Variants in EPHA3 observed in about 807,000 individuals in gnomAD.
EPHA3 encodes the protein EPH receptor A3.
Under a neutral mutation model 107.1 loss-of-function variants are expected in EPHA3, and 42 were observed. The observed-to-expected ratio is 0.39, with a 90% CI of 0.31 to 0.51. The LOEUF (loss-of-function observed/expected upper bound fraction) is 0.51. Among genes scored for constraint, EPHA3 ranks in the 20% least tolerant of loss-of-function variants. The pLI is 0.78. For synonymous variants in EPHA3, 461 were observed against 424.8 expected, an observed-to-expected ratio of 1.09 and a Z score of -1.05; for missense variants, 1,183 against 1,211.2, an observed-to-expected ratio of 0.98 and a Z score of 0.35.
chr3:89,168,970 T>G (rs1705146019), intron 2 of EPHA3, among the ~76,000 whole-genome samples: 2 of 151,432 alleles, frequency 1.3e-5, no homozygotes, highest in African/African-American at 4.9e-5. Flanking sequence ...CCTCTTTTAA[T>G]TAAGCAAATA....
At chr3:89,474,992 C>A (rs1466512774) in intron 16 of EPHA3, among the ~76,000 whole-genome samples, 2 of 152,152 alleles carry the variant, frequency 1.3e-5, no homozygotes, top group African/African-American at 4.8e-5. Flanking sequence ...GCACTCCCCA[C>A]AATATTCCTT....
intron 2 of EPHA3, among the ~76,000 whole-genome samples, chr3:89,180,174 T>A (rs1307863471): frequency 6.6e-6 from 1 of 151,998 alleles, no homozygotes; most frequent in Non-Finnish European, 1.5e-5. Flanking sequence ...TTAAATGATG[T>A]CAAAACAGCT....
At chr3:89,257,026 G>A (rs1705301767) in intron 3 of EPHA3, among the ~76,000 whole-genome samples, 1 of 152,242 alleles carries the variant, frequency 6.6e-6, no homozygotes, top group African/African-American at 2.4e-5. Flanking sequence ...GTACACACAT[G>A]TAATACTGAA....
At chr3:89,165,858 C>T (rs527489648) in intron 2 of EPHA3, among the ~76,000 whole-genome samples, 3 of 152,170 alleles carry the variant, frequency 2.0e-5, no homozygotes, top group East Asian at 3.9e-4. Context: ...CTCAGAAACA[C>T]CAAATACCCA....
At chr3:89,479,270 A>T in intron 16 of EPHA3, 127 bp from the exon 17 acceptor site, 1 of 723,688 alleles carries the variant, frequency 1.4e-6, no homozygotes, top group Non-Finnish European at 2.4e-6. Flanking sequence ...AACACAGATG[A>T]TGCAAATATC....
At chr3:89,433,613 T>C (rs1709611583) in intron 13 of EPHA3, among the ~76,000 whole-genome samples, 1 of 152,182 alleles carries the variant, frequency 6.6e-6, no homozygotes, top group South Asian at 2.1e-4. Context: ...TTTTTTTTAA[T>C]CTGAGTATTT....
At chr3:89,336,977 G>C (rs1038812233) in intron 3 of EPHA3, among the ~76,000 whole-genome samples, 2 of 151,852 alleles carry the variant, frequency 1.3e-5, no homozygotes, top group African/African-American at 4.8e-5. Flanking sequence ...TTGAGCCCAG[G>C]AGGTGGAGGC....
intron 1 of EPHA3, among the ~76,000 whole-genome samples, chr3:89,122,579 A>G (rs1280167318): frequency 6.6e-6 from 1 of 152,232 alleles, no homozygotes; most frequent in Non-Finnish European, 1.5e-5. Context: ...AACCTTTTAG[A>G]ACTCTCTGCA....
intron 3 of EPHA3, among the ~76,000 whole-genome samples, chr3:89,215,709 G>T (rs779126293): frequency 6.6e-6 from 1 of 151,742 alleles, no homozygotes; most frequent in Admixed American, 6.6e-5. Context: ...ACATTCTTAC[G>T]CAGGATTACA....
At chr3:89,302,086 G>A (rs1205241144) in intron 3 of EPHA3, among the ~76,000 whole-genome samples, 2 of 152,062 alleles carry the variant, frequency 1.3e-5, no homozygotes, top group African/African-American at 4.8e-5. Flanking sequence ...ATAAAATAAT[G>A]TTTTAAAATG....
chr3:89,327,473 G>T (rs1470953675), intron 3 of EPHA3, among the ~76,000 whole-genome samples: 2 of 151,988 alleles, frequency 1.3e-5, no homozygotes, highest in Non-Finnish European at 2.9e-5. Context: ...AACTGTAAGC[G>T]CTAAGAAACC....
chr3:89,438,717 CTGTGAACCAAAAAAAGTCAACTACGAATT>C (rs1709723059), intron 13 of EPHA3, among the ~76,000 whole-genome samples: 1 of 152,084 alleles, frequency 6.6e-6, no homozygotes, highest in African/African-American at 2.4e-5. Flanking sequence ...GTATTTTAAA[CTGTGAACCAAAAAAAGTCAACTACGAATT>C]TATTGCCTCC....
chr3:89,434,480 A>G (rs897733591), intron 13 of EPHA3, among the ~76,000 whole-genome samples: 2 of 152,204 alleles, frequency 1.3e-5, no homozygotes, highest in African/African-American at 4.8e-5. Context: ...AGCCTCTGAA[A>G]GTGCTGGGAT....
chr3:89,402,970 G>T (rs1484848585), intron 7 of EPHA3, among the ~76,000 whole-genome samples: 6 of 152,226 alleles, frequency 3.9e-5, no homozygotes, highest in African/African-American at 2.4e-5. Context: ...GAGCCACCGT[G>T]CCCAGCCGGT....
intron 2 of EPHA3, among the ~76,000 whole-genome samples, chr3:89,186,700 G>T (rs1177111359): frequency 6.6e-6 from 1 of 152,064 alleles, no homozygotes; most frequent in Non-Finnish European, 1.5e-5. Flanking sequence ...GCTTTTTACA[G>T]TTTTTTTCGG....
intron 5 of EPHA3, among the ~76,000 whole-genome samples, chr3:89,387,770 T>C (rs1286430505): frequency 6.6e-6 from 1 of 152,150 alleles, no homozygotes; most frequent in African/African-American, 2.4e-5. Context: ...GGTGAATTTA[T>C]GCAATAAATG....
intron 13 of EPHA3, among the ~76,000 whole-genome samples, chr3:89,442,153 A>C (rs2107547038): frequency 6.6e-6 from 1 of 152,290 alleles, no homozygotes. Flanking sequence ...GAAAAAGAAA[A>C]GGAAGGAAGA....
chr3:89,160,589 T>TGTGTGTGTGG (rs371399940), intron 2 of EPHA3, among the ~76,000 whole-genome samples: 6,180 of 145,036 alleles, frequency 0.043, 279 homozygotes, highest in Admixed American at 0.11. Context: ...TGTGTGTGTG[T>TGTGTGTGTGG]GCGCGCATTC....
chr3:89,115,217 TG>T (rs1707224154), intron 1 of EPHA3, among the ~76,000 whole-genome samples: 1 of 152,072 alleles, frequency 6.6e-6, no homozygotes, highest in South Asian at 2.1e-4. Context: ...TCAACTCTTT[TG>T]GTGTCGCTAG....
Sources: allele counts gnomAD v4.1 joint callset (sites outside exome capture counted in the v4.1 genomes callset), GRCh38; gene constraint gnomAD v4.1.1; transcripts MANE v1.5; gene names NCBI Gene and HGNC (gene_info 2026-07-23, HGNC 2026-07-21).